OPA1: variants seen among roughly 807,000 people sequenced by gnomAD.
OPA1 encodes the protein dynamin-like GTPase OPA1, mitochondrial.
OPA1 carries 59 observed loss-of-function variants against 152.9 expected under a neutral mutation model. That is an observed-to-expected ratio of 0.39 (90% CI 0.31 to 0.48). OPA1 has a LOEUF of 0.48. Ranked by LOEUF, OPA1 falls within the 20% of genes least tolerant of loss-of-function variation. The pLI is 0.96. For synonymous variants in OPA1, 400 were observed against 389.9 expected (o/e 1.03, Z -0.31); for missense variants, 1,008 against 1,216.8 (o/e 0.83, Z 2.55).
intron 6 of OPA1, among the ~76,000 whole-genome samples, chr3:193,625,478 T>C (rs991347857): frequency 7.9e-5 from 12 of 151,906 alleles, no homozygotes; most frequent in African/African-American, 2.7e-4. Flanking sequence ...TTATTTGATA[T>C]TATATATGAA....
chr3:193,671,125 G>A (rs1000129386), intron 29 of OPA1, among the ~76,000 whole-genome samples: 3 of 152,136 alleles, frequency 2.0e-5, no homozygotes, highest in South Asian at 4.1e-4. Context: ...ATGTCATCAC[G>A]CAAAATATGT....
intron 29 of OPA1, among the ~76,000 whole-genome samples, chr3:193,684,901 G>C (rs6770511): frequency 0.43 from 65,681 of 151,970 alleles, 14,438 homozygotes; most frequent in Non-Finnish European, 0.43. Flanking sequence ...GCCTTTTGGG[G>C]AATAGGCCTT....
chr3:193,629,198 C>T (rs1052003967), intron 7 of OPA1, among the ~76,000 whole-genome samples: 64 of 151,808 alleles, frequency 4.2e-4, no homozygotes, highest in Non-Finnish European at 9.0e-4. Flanking sequence ...CAGGCATGAG[C>T]CACCGCACCT....
chr3:193,688,634 T>G (rs769840056), intron 29 of OPA1, among the ~76,000 whole-genome samples: 1 of 152,012 alleles, frequency 6.6e-6, no homozygotes, highest in Non-Finnish European at 1.5e-5. Flanking sequence ...CCAAAGAGAC[T>G]TAAAATAACA....
chr3:193,677,628 T>C lies in OPA1; in HGVS notation c.2983+10348T>C, dbSNP rs377520912. Reference sequence around the variant, plus strand: ...AACTGGTAACCTCTGTTAAGTACAGTTCTCCAGGTAGTTGGAGAAATTAGT... The same window carrying C: ...AACTGGTAACCTCTGTTAAGTACAGCTCTCCAGGTAGTTGGAGAAATTAGT... On this transcript the variant is annotated intron_variant, in intron 29 of 30. Coordinates refer to ENST00000361510, the MANE Select transcript of OPA1 (RefSeq NM_130837.3). Among the ~76,000 whole-genome samples the C allele has an allele frequency of 2.6e-3, 400 of 152,264 alleles. 3 individuals carry two copies. Among genetic ancestry groups the C allele is most frequent in the African/African-American group, 9.1e-3 (379 of 41,542 alleles).
chr3:193,610,957 G>C (rs1446642400), intron 1 of OPA1, among the ~76,000 whole-genome samples: 1 of 152,204 alleles, frequency 6.6e-6, no homozygotes, highest in Non-Finnish European at 1.5e-5. Flanking sequence ...GGCTAGGAAA[G>C]GGAATTCCCT....
chr3:193,642,930 TTAAGATTTTC>T, intron 12 of OPA1, 35 bp from the exon 13 acceptor site: 1 of 1,585,364 alleles, frequency 6.3e-7, no homozygotes. Flanking sequence ...TATTTGTGAA[TTAAGATTTTC>T]TTAGATTTTC....
At chr3:193,598,164 G>A (rs1424377734) in intron 1 of OPA1, among the ~76,000 whole-genome samples, 1 of 152,176 alleles carries the variant, frequency 6.6e-6, no homozygotes, top group Non-Finnish European at 1.5e-5. Context: ...AGGGCAGGAG[G>A]AAAGAGAATT....
At chr3:193,605,081 T>G (rs9819038) in intron 1 of OPA1, among the ~76,000 whole-genome samples, 65,255 of 151,758 alleles carry the variant, frequency 0.43, 14,293 homozygotes, top group Non-Finnish European at 0.44. Flanking sequence ...GGGGAAAATA[T>G]GAAGGGGCTT....
chr3:193,684,446 CTTTTTTTTTTT>C (rs67027119), intron 29 of OPA1, among the ~76,000 whole-genome samples: 1 of 105,908 alleles, frequency 9.4e-6, no homozygotes, highest in African/African-American at 3.8e-5. Context: ...ATGGTACTAC[CTTTTTTTTTTT>C]TTTTTTTTTT....
At chr3:193,646,747 C>G (rs970871112) in intron 18 of OPA1, among the ~76,000 whole-genome samples, 1 of 151,776 alleles carries the variant, frequency 6.6e-6, no homozygotes. Flanking sequence ...CACTCCAGCC[C>G]GGACGACAGT....
chr3:193,691,243 G>A (rs1721639010), intron 29 of OPA1, among the ~76,000 whole-genome samples: 1 of 152,094 alleles, frequency 6.6e-6, no homozygotes. Context: ...TAAAGTAGGA[G>A]GTGCATGTGA....
intron 22 of OPA1, 72 bp from the exon 23 acceptor site, chr3:193,657,008 C>T (rs1326443752): frequency 6.1e-6 from 8 of 1,319,090 alleles, no homozygotes; most frequent in East Asian, 2.3e-5. Flanking sequence ...GGCTTGAGCT[C>T]GTGTTATTTT....
At chr3:193,676,937 C>CTCCAT (rs1719182073) in intron 29 of OPA1, among the ~76,000 whole-genome samples, 1 of 144,358 alleles carries the variant, frequency 6.9e-6, no homozygotes, top group Non-Finnish European at 1.5e-5. Flanking sequence ...GCCGAGATCG[C>CTCCAT]GCCACTGCAC....
intron 28 of OPA1, among the ~76,000 whole-genome samples, chr3:193,666,680 T>G (rs1389851084): frequency 6.6e-6 from 1 of 152,122 alleles, no homozygotes; most frequent in Non-Finnish European, 1.5e-5. Flanking sequence ...TTCTAGCTAC[T>G]TGGGAGGCTG....
chr3:193,680,722 T>A (rs546767826), intron 29 of OPA1, among the ~76,000 whole-genome samples: 1 of 152,366 alleles, frequency 6.6e-6, no homozygotes, highest in East Asian at 1.9e-4. Flanking sequence ...TTTAATTGAC[T>A]AAGAATATTT....
At chr3:193,672,969 T>C (rs6444736) in intron 29 of OPA1, among the ~76,000 whole-genome samples, 1 of 151,994 alleles carries the variant, frequency 6.6e-6, no homozygotes, top group African/African-American at 2.4e-5. Context: ...AAACTGTTTA[T>C]GAATGTAAAA....
intron 29 of OPA1, chr3:193,668,586 C>G: frequency 6.5e-7 from 1 of 1,542,722 alleles, no homozygotes; most frequent in Non-Finnish European, 8.8e-7. Flanking sequence ...GAGATACCCT[C>G]TTTACCCTGC....
chr3:193,677,979 A>G lies in OPA1; in HGVS notation c.2983+10699A>G, dbSNP rs535000940. Among the ~76,000 whole-genome samples the G allele has an allele frequency of 2.8e-4, 43 of 152,320 alleles. No individual in the cohort carries two copies. In the South Asian group the frequency reaches 3.3e-3, roughly 12 times the overall value. On this transcript the variant is annotated intron_variant, in intron 29 of 30. Transcript: ENST00000361510. ...TCCTGTAACTATGCATCATGGATCT[A>G]TCATCTGAAAATAAATCAAAATCTT...
Sources: allele counts gnomAD v4.1 joint callset (sites outside exome capture counted in the v4.1 genomes callset), GRCh38; gene constraint gnomAD v4.1.1; transcripts MANE v1.5; gene names NCBI Gene and HGNC (gene_info 2026-07-23, HGNC 2026-07-21).